Variants in GRIN1 observed in about 807,000 individuals in gnomAD.
The protein encoded by GRIN1 is glutamate receptor ionotropic, NMDA 1.
GRIN1 carries 38 observed loss-of-function variants against 103.0 expected under a neutral mutation model. That is an observed-to-expected ratio of 0.37 (90% CI 0.28 to 0.48). The LOEUF is 0.48. Among genes scored for constraint, GRIN1 ranks in the 20% least tolerant of loss-of-function variants. The pLI, the probability that GRIN1 is intolerant of heterozygous loss-of-function variation, is 0.98. For missense variants in GRIN1, 577 were observed against 1,288.9 expected, an observed-to-expected ratio of 0.45 and a Z score of 8.46; for synonymous variants, 544 against 532.7, an observed-to-expected ratio of 1.02 and a Z score of -0.29.
At chr9:137,149,456 G>C (rs934208912) in intron 4 of GRIN1, among the ~76,000 whole-genome samples, 1 of 152,264 alleles carries the variant, frequency 6.6e-6, no homozygotes, top group Non-Finnish European at 1.5e-5. Flanking sequence ...CCCAGGCCTG[G>C]GGCCAGGGAC....
At chr9:137,148,944 T>C in intron 3 of GRIN1, 65 bp from the exon 4 acceptor site, 1 of 1,216,200 alleles carries the variant, frequency 8.2e-7, no homozygotes, top group Non-Finnish European at 1.2e-6. Context: ...CCGGCCCAAC[T>C]CTCACCCCTG....
At chr9:137,164,183 G>A (rs939640594) in intron 18 of GRIN1, 9 of 510,410 alleles carry the variant, frequency 1.8e-5, no homozygotes, top group East Asian at 1.4e-4. Context: ...GTCGCCCGCC[G>A]GTACCCATTC....
rs201818201 is a variant in GRIN1, at chr9:137,156,690, A to C, written c.693A>C (p.Val231=). The C allele has an allele frequency of 8.0e-4, 1,272 of 1,599,020 alleles. 1 individual carries two copies. Among genetic ancestry groups the C allele is most frequent in the South Asian group, 1.2e-3 (109 of 88,648 alleles). The part of the protein sequence containing the change: ...LSASEDDAAT[V]YRAAAMLNMT... ...ACAGCGAGGACGATGCTGCCACTGT[A>C]TACCGCGCAGCCGCGATGCTGAACA... Residue 231 remains valine (V), a synonymous_variant, in exon 5 of 20, where the codon GTA becomes GTC. Transcript: ENST00000371561.
At chr9:137,161,687 G>C (rs1347975179) in intron 10 of GRIN1, among the ~76,000 whole-genome samples, 2 of 83,456 alleles carry the variant, frequency 2.4e-5, no homozygotes, top group Non-Finnish European at 5.3e-5. Flanking sequence ...CTGCAGGCGG[G>C]GGTCTGGAGT....
intron 3 of GRIN1, 58 bp from the exon 4 acceptor site, chr9:137,148,951 C>T (rs1832694274): frequency 7.9e-7 from 1 of 1,268,214 alleles, no homozygotes; most frequent in Admixed American, 1.9e-5. Flanking sequence ...AACTCTCACC[C>T]CTGAGGCGCT....
At chr9:137,148,207 G>T in intron 3 of GRIN1, 1 of 1,545,504 alleles carries the variant, frequency 6.5e-7, no homozygotes. Flanking sequence ...AACAAGCGCG[G>T]ACCCAAGGTA....
chr9:137,150,826 C>A (rs1415769660), intron 4 of GRIN1, among the ~76,000 whole-genome samples: 1 of 137,378 alleles, frequency 7.3e-6, no homozygotes, highest in African/African-American at 2.8e-5. Flanking sequence ...CAGAAAAGAC[C>A]CGCCCAGGAA....
intron 4 of GRIN1, among the ~76,000 whole-genome samples, chr9:137,151,897 C>G (rs927334842): frequency 5.1e-5 from 4 of 78,318 alleles, no homozygotes; most frequent in African/African-American, 1.4e-4. Flanking sequence ...AACTTGTGGC[C>G]TCTTTTTTTT....
At chr9:137,166,383 C>T (rs993813549) in intron 19 of GRIN1, among the ~76,000 whole-genome samples, 1 of 152,228 alleles carries the variant, frequency 6.6e-6, no homozygotes, top group African/African-American at 2.4e-5. Flanking sequence ...AGAGAGGCAG[C>T]GGAGACCTCA....
In GRIN1 at chr9:137,161,944, G is replaced by A. The variant is rs1468821601; in HGVS notation, c.1488G>A (p.Lys496=). 8.3e-6 allele frequency: 13 copies of A among 1,564,998 alleles called. No homozygotes were observed. The East Asian group carries it at 2.9e-4, about 34-fold the overall frequency. The stretch of plus-strand genomic sequence containing the variant: ...CGCAGGTGAACAACAGCAACAAGAA[G>A]GAGTGGAATGGGATGATGGGCGAGC... ...TQERVNNSNK[K]EWNGMMGELL... Residue 496 remains lysine, a synonymous_variant, in exon 11 of 20, where the codon AAG becomes AAA. Transcript: ENST00000371561.
At chr9:137,143,431 A>T (rs1832283413) in intron 2 of GRIN1, among the ~76,000 whole-genome samples, 1 of 152,262 alleles carries the variant, frequency 6.6e-6, no homozygotes, top group Non-Finnish European at 1.5e-5. Context: ...CTGTGCCCTC[A>T]GGCACGACCT....
chr9:137,157,663 T>A (rs937767585), intron 6 of GRIN1, among the ~76,000 whole-genome samples: 1 of 152,174 alleles, frequency 6.6e-6, no homozygotes, highest in African/African-American at 2.4e-5. Context: ...ACATCTGCAG[T>A]GTGGCAGGAG....
intron 18 of GRIN1, 139 bp from the exon 19 acceptor site, chr9:137,165,047 G>C: frequency 2.6e-6 from 2 of 755,742 alleles, no homozygotes; most frequent in South Asian, 2.8e-5. Context: ...CTGTCGGCCC[G>C]TCTGTCCAGC....
At chr9:137,158,582 C>T (rs1389952413) in intron 7 of GRIN1, 39 bp from the exon 8 acceptor site, 5 of 1,606,830 alleles carry the variant, frequency 3.1e-6, no homozygotes, top group Non-Finnish European at 4.3e-6. Context: ...GGCCAAGACC[C>T]CTGCGTGGCC....
chr9:137,165,585 GGTCA>G (rs754268852), intron 19 of GRIN1, among the ~76,000 whole-genome samples: 28 of 152,244 alleles, frequency 1.8e-4, no homozygotes, highest in Non-Finnish European at 2.9e-4. Context: ...TCATCTCGTT[GGTCA>G]GTCAGTCAGC....
chr9:137,142,196 C>A, intron 2 of GRIN1, 49 bp downstream of exon 2: 3 of 1,603,156 alleles, frequency 1.9e-6, no homozygotes, highest in Non-Finnish European at 2.6e-6. Flanking sequence ...CCCCAGGGCA[C>A]AGCCTGGCCA....
chr9:137,143,715 G>A (rs1054445781), intron 2 of GRIN1, among the ~76,000 whole-genome samples: 3 of 152,226 alleles, frequency 2.0e-5, no homozygotes, highest in Admixed American at 1.3e-4. Context: ...ACGTCACCAG[G>A]TGGATAGACA....
chr9:137,158,770 G>C, intron 8 of GRIN1, 66 bp downstream of exon 8: 2 of 1,201,012 alleles, frequency 1.7e-6, no homozygotes, highest in East Asian at 4.6e-5. Flanking sequence ...CCTCTGGCCT[G>C]AAGGAGGAGG....
Position 137,139,312 on chromosome 9 carries a change from G to C in GRIN1, c.-175G>C. On this transcript the variant is annotated 5_prime_UTR_variant, in exon 1 of 20. Transcript: ENST00000371561. The surrounding 1 kb of genome is among the most constrained non-coding windows in gnomAD (Gnocchi z 7.7). ...GTGGGGCTGAGCCCCGAGCCCCCGC[G>C]CACGCTTCAGCGCCCCTTCCCTCGG... 3.8e-6 allele frequency: 1 copy of C among 265,748 alleles called. No homozygotes were observed. 16.5% of individuals were successfully genotyped at this position (265,748 alleles called of 1,614,324 possible). A position where few individuals can be genotyped will look rare whatever the true frequency, so the allele number is the denominator to read the frequency against.
Sources: allele counts gnomAD v4.1 joint callset (sites outside exome capture counted in the v4.1 genomes callset), GRCh38; gene constraint gnomAD v4.1.1; non-coding constraint Gnocchi (gnomAD v3.1); transcripts MANE v1.5; gene names NCBI Gene and HGNC (gene_info 2026-07-23, HGNC 2026-07-21).